NEDD4: variants seen among roughly 807,000 people sequenced by gnomAD.
NEDD4 encodes E3 ubiquitin-protein ligase NEDD4.
In NEDD4, 99 loss-of-function variants were observed where a neutral mutation model predicts 144.9. That is an observed-to-expected ratio of 0.68 (90% CI 0.58 to 0.81). NEDD4 has a LOEUF of 0.81. Ranked by LOEUF, NEDD4 falls within the 30% of genes least tolerant of loss-of-function variation. The pLI, the probability that NEDD4 is intolerant of heterozygous loss-of-function variation, is 0.00. For synonymous variants in NEDD4, 318 were observed against 350.6 expected (o/e 0.91, Z 1.04); for missense variants, 985 against 1,065.9 (o/e 0.92, Z 1.06).
At chr15:55,844,811 T>A (rs1239604311) in intron 18 of NEDD4, among the ~76,000 whole-genome samples, 1 of 150,982 alleles carries the variant, frequency 6.6e-6, no homozygotes, top group African/African-American at 2.4e-5. Flanking sequence ...TTTTCAATTT[T>A]TTTTTTTTTT....
chr15:55,883,753 T>C (rs2035286957), intron 5 of NEDD4, among the ~76,000 whole-genome samples: 1 of 150,464 alleles, frequency 6.6e-6, no homozygotes, highest in Non-Finnish European at 1.5e-5. Flanking sequence ...AGAGAGAGAC[T>C]CTATTTGTGT....
intron 4 of NEDD4, among the ~76,000 whole-genome samples, chr15:55,928,437 G>T (rs1453008539): frequency 1.3e-5 from 2 of 152,200 alleles, no homozygotes; most frequent in African/African-American, 4.8e-5. Flanking sequence ...AAAAGCCTGA[G>T]TATGGAATGA....
intron 1 of NEDD4, among the ~76,000 whole-genome samples, chr15:55,971,893 C>A (rs796356422): frequency 1.3e-5 from 2 of 152,002 alleles, no homozygotes; most frequent in Non-Finnish European, 2.9e-5. Flanking sequence ...CAAAACAAAA[C>A]AAAAAACAAA....
At chr15:55,976,345 G>C (rs1394211281) in intron 1 of NEDD4, among the ~76,000 whole-genome samples, 2 of 152,038 alleles carry the variant, frequency 1.3e-5, no homozygotes, top group African/African-American at 4.8e-5. Context: ...CTAATCACTA[G>C]AAAATATATG....
At chr15:55,968,624 A>C (rs75188997) in intron 1 of NEDD4, among the ~76,000 whole-genome samples, 4,417 of 152,306 alleles carry the variant, frequency 0.029, 72 homozygotes, top group Non-Finnish European at 0.035. Context: ...ATGGCTAAGA[A>C]ATACATGAAA....
At chr15:55,924,849 CCT>C in intron 4 of NEDD4, 150 bp from the exon 5 acceptor site, 1 of 681,306 alleles carries the variant, frequency 1.5e-6, no homozygotes, top group Non-Finnish European at 2.5e-6. Flanking sequence ...GGGTGGATCG[CCT>C]GATGTCAGGA....
rs567214215 is a variant in NEDD4, at chr15:55,834,094, T to C, written c.2374A>G (p.Thr792Ala). The change falls in exon 26 of 29, where the codon ACA (threonine) becomes GCA (alanine). Residue 792 changes from threonine (T) to alanine (A), a missense_variant. Coordinates refer to ENST00000435532, the MANE Select transcript of NEDD4 (RefSeq NM_006154.4). ...GCACTGTAGCCATTTTTATACTTTG[T>C]ATGTTCCCTCCAGTCATTCACATCA... ...DVDVNDWREHTKYKNGYSANH... is the reference protein window; with the variant it reads ...DVDVNDWREHAKYKNGYSANH... 1.4e-5 allele frequency: 23 copies of C among 1,613,734 alleles called. No individual in the cohort carries two copies. The South Asian group carries it at 2.2e-4, about 15-fold the overall frequency.
chr15:55,844,224 A>G (rs1309866559), intron 18 of NEDD4, among the ~76,000 whole-genome samples: 4 of 152,138 alleles, frequency 2.6e-5, no homozygotes, highest in African/African-American at 9.7e-5. Flanking sequence ...ATTATAGGGG[A>G]AAAATGCAAA....
intron 1 of NEDD4, among the ~76,000 whole-genome samples, chr15:55,968,493 A>ATG (rs1340583156): frequency 7.3e-3 from 1,113 of 152,294 alleles, no homozygotes; most frequent in African/African-American, 0.026. Flanking sequence ...TATCTAAAAT[A>ATG]TCTACAGAAG....
At chr15:55,886,943 GA>G (rs2035412701) in intron 5 of NEDD4, among the ~76,000 whole-genome samples, 1 of 151,608 alleles carries the variant, frequency 6.6e-6, no homozygotes, top group Admixed American at 6.6e-5. Context: ...AAATTTTCTT[GA>G]AACAAATAAT....
At chr15:55,978,903 C>T (rs2037748174) in intron 1 of NEDD4, among the ~76,000 whole-genome samples, 1 of 135,458 alleles carries the variant, frequency 7.4e-6, no homozygotes, top group Middle Eastern at 3.6e-3. Context: ...ACTAACTGCT[C>T]TTCAATTTCT....
chr15:55,857,777 T>A (rs954673298), intron 11 of NEDD4, among the ~76,000 whole-genome samples: 2 of 152,068 alleles, frequency 1.3e-5, no homozygotes, highest in Non-Finnish European at 2.9e-5. Flanking sequence ...TTTACAAAAA[T>A]TTTTTAAAAA....
chr15:55,899,192 C>A (rs917043989), intron 5 of NEDD4, among the ~76,000 whole-genome samples: 1 of 151,784 alleles, frequency 6.6e-6, no homozygotes, highest in African/African-American at 2.4e-5. Context: ...CTTTTTAATT[C>A]TCTCTCTCTC....
At chr15:55,945,490 G>T (rs187325551) in intron 4 of NEDD4, among the ~76,000 whole-genome samples, 22 of 152,216 alleles carry the variant, frequency 1.4e-4, no homozygotes, top group African/African-American at 5.3e-4. Context: ...AGCAAAGAAA[G>T]CCTCCAAGAA....
chr15:55,945,505 G>A (rs1342264545), intron 4 of NEDD4, among the ~76,000 whole-genome samples: 1 of 152,086 alleles, frequency 6.6e-6, no homozygotes, highest in Non-Finnish European at 1.5e-5. Flanking sequence ...CAAGAAATAT[G>A]GGACTATGTG....
At chr15:55,837,352 C>T (rs1379292433) in intron 24 of NEDD4, among the ~76,000 whole-genome samples, 2 of 151,182 alleles carry the variant, frequency 1.3e-5, no homozygotes, top group African/African-American at 4.9e-5. Context: ...ATTGCTTGAA[C>T]CTGGGAGGTG....
At chr15:55,852,623 C>G in intron 12 of NEDD4, 80 bp from the exon 13 acceptor site, 1 of 1,345,072 alleles carries the variant, frequency 7.4e-7, no homozygotes, top group Non-Finnish European at 1.0e-6. Flanking sequence ...CCCTCTGTCC[C>G]TATGTCTACT....
At chr15:55,926,563 T>C (rs1010029187) in intron 4 of NEDD4, among the ~76,000 whole-genome samples, 27 of 151,730 alleles carry the variant, frequency 1.8e-4, no homozygotes, top group South Asian at 4.2e-4. Flanking sequence ...AGCCCAGGAG[T>C]TGGAGACCAG....
intron 4 of NEDD4, among the ~76,000 whole-genome samples, chr15:55,941,563 A>G (rs1369546620): frequency 6.7e-6 from 1 of 149,396 alleles, no homozygotes; most frequent in African/African-American, 2.5e-5. Context: ...ACCCTGTTAA[A>G]TTTCTTTTTT....
Sources: gnomAD v4.1 joint callset for allele counts (sites outside exome capture counted in the v4.1 genomes callset) on GRCh38, gnomAD v4.1.1 for gene constraint, MANE v1.5 for transcripts, NCBI Gene and HGNC (gene_info 2026-07-23, HGNC 2026-07-21) for gene names.